ZNF316: variants seen among roughly 807,000 people sequenced by gnomAD.
The protein encoded by ZNF316 is zinc finger protein 316.
In ZNF316, 23 loss-of-function variants were observed where a neutral mutation model predicts 75.6. The observed-to-expected ratio is 0.30, with a 90% CI of 0.22 to 0.43. ZNF316 has a LOEUF of 0.43. Ranked by LOEUF, ZNF316 falls within the 20% of genes least tolerant of loss-of-function variation. ZNF316 has a pLI of 1.00. For missense variants in ZNF316, 1,266 were observed against 1,409.4 expected, an observed-to-expected ratio of 0.90 and a Z score of 1.63; for synonymous variants, 827 against 666.2, an observed-to-expected ratio of 1.24 and a Z score of -3.72.
In ZNF316 at chr7:6,642,256, C is replaced by T. The variant is rs1462853696; in HGVS notation, c.-28-126C>T. On this transcript the variant is annotated intron_variant, in intron 4 of 8. Transcript: ENST00000382252. This position sits in a 1 kb window ranked among gnomAD's most constrained non-coding sequence, Gnocchi z 8.1. ...CCCGGTCCTCCCTCATCTCCATTGC[C>T]TTCAACTACATAACAGGAGGAGTAA... 2.4e-6 allele frequency: 1 copy of T among 422,134 alleles called. No individual in the cohort carries two copies. 26.1% of individuals were successfully genotyped at this position (422,134 alleles called of 1,614,324 possible).
chr7:6,645,873 A>C (rs1034727818), intron 8 of ZNF316, among the ~76,000 whole-genome samples: 3 of 151,282 alleles, frequency 2.0e-5, no homozygotes, highest in African/African-American at 7.3e-5. Flanking sequence ...GCGCGCCTGT[A>C]GTCCCAGCTA....
At position 6,652,637 on chromosome 7, in the gene ZNF316, C is replaced by T; in HGVS notation, c.1041C>T (p.Cys347=). The part of the protein sequence containing the change: ...APPAGRPETT[C]DVCGKVFPHR... ...CGGCCGGGAGGCCGGAGACCACGTG[C>T]GACGTGTGCGGCAAGGTCTTCCCGC... Residue 347 remains cysteine (C), a synonymous_variant, in exon 9 of 9, where the codon TGC becomes TGT. Transcript: ENST00000382252. The T allele has an allele frequency of 8.1e-7, 1 of 1,230,738 alleles. No homozygotes were observed. Among genetic ancestry groups the T allele is most frequent in the East Asian group, 3.2e-5 (1 of 31,620 alleles). 76.2% of individuals were successfully genotyped at this position (1,230,738 alleles called of 1,614,324 possible).
rs553038616 is a variant in ZNF316 at position 6,640,955 on chromosome 7, T to A, written c.-166-870T>A. Among the ~76,000 whole-genome samples, 3 of 152,354 alleles carry A rather than the reference T, an allele frequency of 2.0e-5. No homozygotes were observed. The highest frequency in any genetic ancestry group is 7.2e-5 in the African/African-American group (3 of 41,586). ...GCCATGTTGGTGCAGCCTGTTGAAC[T>A]GTGAGTGAATGAAACCTTTTTTCTT... On this transcript the variant is annotated intron_variant, in intron 3 of 8. Transcript: ENST00000382252. This position sits in a 1 kb window ranked among gnomAD's most constrained non-coding sequence, Gnocchi z 5.1.
rs1011496075 is a variant in ZNF316 at position 6,652,528 on chromosome 7, C to T, written c.932C>T (p.Ser311Phe). The T allele has an allele frequency of 1.3e-5, 16 of 1,231,102 alleles. No homozygotes were observed. The highest frequency in any genetic ancestry group is 3.1e-5 in the African/African-American group (2 of 64,374). The allele number at this position is 1,231,102 out of a possible 1,614,324, so 76.3% of individuals were successfully genotyped here. ...GGCCTGGGGGTCCTGGCCGACGGCT[C>T]TGAAGCGAAGCCTTTCCTGCCCGGC... is the stretch of plus-strand genomic sequence containing the variant. ...PGGLGVLADG[S>F]EAKPFLPGRE... Residue 311 changes from serine to phenylalanine, a missense_variant, in exon 9 of 9, where the codon TCT (serine) becomes TTT (phenylalanine). Physicochemically the swap from Ser to Phe is radical, Grantham distance 155. Transcript: ENST00000382252.
chr7:6,645,310 A>G (rs1305765659), intron 8 of ZNF316, among the ~76,000 whole-genome samples: 1 of 152,186 alleles, frequency 6.6e-6, no homozygotes, highest in African/African-American at 2.4e-5. Flanking sequence ...CCTGCCCCAC[A>G]GGTGTCTGGT....
intron 8 of ZNF316, among the ~76,000 whole-genome samples, chr7:6,647,757 G>C (rs1387619367): frequency 6.6e-6 from 1 of 152,222 alleles, no homozygotes; most frequent in Non-Finnish European, 1.5e-5. Context: ...CGTAGATGGT[G>C]GCGGCCTGGT....
chr7:6,644,367 C>T (rs558169781), intron 7 of ZNF316, 113 bp from the exon 8 acceptor site: 14 of 495,898 alleles, frequency 2.8e-5, no homozygotes, highest in Non-Finnish European at 4.1e-5. Context: ...TGTGGGAGGG[C>T]TGGTGCTGGG....
rs1206763165 is a variant in ZNF316, at chr7:6,654,543, A to G, written c.2947A>G (p.Ser983Gly). 5.9e-6 allele frequency: 7 copies of G among 1,183,590 alleles called. No homozygotes were observed. The East Asian group carries it at 2.2e-4, about 38-fold the overall frequency. The allele number at this position is 1,183,590 out of a possible 1,614,324, so 73.3% of individuals were successfully genotyped here. A position where few individuals can be genotyped will look rare whatever the true frequency, so the allele number is the denominator to read the frequency against. ...CCTGCTGGAGTTCGCGGGCGGCACA[A>G]GCTTCGGCTCCGAGCACCAGGCCGC... ...SALLEFAGGT[S>G]FGSEHQAAFA... Residue 983 changes from serine (S) to glycine (G), a missense_variant, in exon 9 of 9, where the codon AGC becomes GGC. Ser to Gly is a moderately conservative substitution (Grantham distance 56, BLOSUM62 0). This residue lies in a region of ZNF316 where 111 missense variants were observed against 99.2 expected (regional missense o/e 1.12). Transcript: ENST00000382252.
rs1779554171 is a variant in ZNF316, at chr7:6,653,461, G to A, written c.1865G>A (p.Arg622Gln). The A allele has an allele frequency of 4.9e-6, 6 of 1,227,318 alleles. No homozygotes were observed. The highest frequency in any genetic ancestry group is 6.1e-6 in the Non-Finnish European group (6 of 985,426). The allele number at this position is 1,227,318 out of a possible 1,614,324, so 76.0% of individuals were successfully genotyped here. Residue 622 changes from arginine (R) to glutamine (Q), a missense_variant, in exon 9 of 9, where the codon CGA becomes CAA. Coordinates refer to ENST00000382252, the MANE Select transcript of ZNF316 (RefSeq NM_001278559.2). ...SFPILGLPDF[R>Q]ERLPVDGRPL... is the part of the protein sequence containing the mutation. ...CCGATCCTGGGCCTACCCGACTTCC[G>A]AGAGCGGCTGCCGGTCGACGGGCGC...
At position 6,652,699 on chromosome 7, in the gene ZNF316, C is replaced by G. The variant is rs1001397984; in HGVS notation, c.1103C>G (p.Ala368Gly). 3.2e-6 allele frequency: 4 copies of G among 1,236,056 alleles called. No individual in the cohort carries two copies. Among genetic ancestry groups the G allele is most frequent in the African/African-American group, 1.6e-5 (1 of 64,420 alleles). The allele number at this position is 1,236,056 out of a possible 1,614,324, so 76.6% of individuals were successfully genotyped here. A position where few individuals can be genotyped will look rare whatever the true frequency, so the allele number is the denominator to read the frequency against. The change falls in exon 9 of 9, where the codon GCG (alanine) becomes GGG (glycine). Residue 368 changes from alanine (A) to glycine (G), a missense_variant. Ala to Gly is a moderately conservative substitution (Grantham distance 60, BLOSUM62 0). This residue lies in a region of ZNF316 where 961 missense variants were observed against 990.9 expected (regional missense o/e 0.97). Transcript: ENST00000382252. Reference protein sequence around the residue: ...SRLAKHQRYHAAVKPFGCEEC... With the variant: ...SRLAKHQRYHGAVKPFGCEEC... Reference sequence around the variant, plus strand: ...CTGGCCAAGCACCAGCGCTACCACGCGGCCGTCAAGCCCTTCGGCTGCGAG... The same window carrying G: ...CTGGCCAAGCACCAGCGCTACCACGGGGCCGTCAAGCCCTTCGGCTGCGAG...
chr7:6,639,868 G>A lies in ZNF316; in HGVS notation c.-167+727G>A, dbSNP rs991907247. 2.6e-5 allele frequency among the ~76,000 whole-genome samples: 4 copies of A among 152,216 alleles called. No homozygotes were observed. Among genetic ancestry groups the A allele is most frequent in the Non-Finnish European group, 5.9e-5 (4 of 68,036 alleles). ...AGGTGGCTAGCATAACACGCAGCAC[G>A]TGGATTTCGACACTTTGGGCATCTT... is the stretch of plus-strand genomic sequence containing the variant. On this transcript the variant is annotated intron_variant, in intron 3 of 8. Coordinates refer to ENST00000382252, the MANE Select transcript of ZNF316 (RefSeq NM_001278559.2). This position sits in a 1 kb window ranked among gnomAD's most constrained non-coding sequence, Gnocchi z 4.2.
chr7:6,644,995 C>T (rs1413586273), intron 8 of ZNF316, among the ~76,000 whole-genome samples: 1 of 150,058 alleles, frequency 6.7e-6, no homozygotes, highest in Non-Finnish European at 1.5e-5. Context: ...GGAAAAGGCT[C>T]CCCCCAGCTC....
rs1205623789 is a variant in ZNF316 at position 6,643,037 on chromosome 7, T to TGAGGAC, written c.435_440dup (p.Glu146_Asp147dup). 3.2e-5 allele frequency: 40 copies of TGAGGAC among 1,240,184 alleles called. No individual in the cohort carries two copies. In the African/African-American group the frequency reaches 5.3e-4, roughly 16 times the overall value. 76.8% of individuals were successfully genotyped at this position (1,240,184 alleles called of 1,614,324 possible). A position where few individuals can be genotyped will look rare whatever the true frequency, so the allele number is the denominator to read the frequency against. ...AGGAGGAGGAAGAGGAGGAGGAGGA[T>TGAGGAC]GAGGACGAGGATGATTTGCTGACGG... is the stretch of plus-strand genomic sequence containing the variant. On this transcript the variant is annotated inframe_insertion, in exon 6 of 9. Coordinates refer to ENST00000382252, the MANE Select transcript of ZNF316 (RefSeq NM_001278559.2).
chr7:6,652,784 C>G lies in ZNF316; in HGVS notation c.1188C>G (p.Thr396=). ...SHLAIHQRTH[T]GEKPFPCPDC... ...TGGCCATCCACCAGCGCACGCACAC[C>G]GGCGAGAAGCCCTTCCCGTGCCCGG... is the stretch of plus-strand genomic sequence containing the variant. The change falls in exon 9 of 9, where the codon ACC becomes ACG. Residue 396 remains threonine (T), a synonymous_variant. Transcript: ENST00000382252. The G allele has an allele frequency of 6.3e-6, 8 of 1,273,100 alleles. No homozygotes were observed. In the South Asian group the frequency reaches 1.9e-4, roughly 31 times the overall value. The allele number at this position is 1,273,100 out of a possible 1,614,324, so 78.9% of individuals were successfully genotyped here. A position where few individuals can be genotyped will look rare whatever the true frequency, so the allele number is the denominator to read the frequency against.
At position 6,654,450 on chromosome 7, in the gene ZNF316, C is replaced by T; in HGVS notation, c.2854C>T (p.Pro952Ser). 2.5e-6 allele frequency: 3 copies of T among 1,201,362 alleles called. No individual in the cohort carries two copies. Among genetic ancestry groups the T allele is most frequent in the Non-Finnish European group, 3.1e-6 (3 of 968,636 alleles). 74.4% of individuals were successfully genotyped at this position (1,201,362 alleles called of 1,614,324 possible). The change falls in exon 9 of 9, where the codon CCC becomes TCC. Residue 952 changes from proline (P) to serine (S), a missense_variant. This residue lies in a region of ZNF316 where 111 missense variants were observed against 99.2 expected (regional missense o/e 1.12). Transcript: ENST00000382252. ...AAPGSGSAPA[P>S]APKPEAAAKG... Reference sequence around the variant, plus strand: ...GCCGGGCTCGGGTTCGGCCCCAGCCCCCGCGCCCAAGCCCGAGGCGGCCGC... The same window carrying T: ...GCCGGGCTCGGGTTCGGCCCCAGCCTCCGCGCCCAAGCCCGAGGCGGCCGC...
chr7:6,651,465 G>C (rs1186369294), intron 8 of ZNF316, among the ~76,000 whole-genome samples: 1 of 152,158 alleles, frequency 6.6e-6, no homozygotes, highest in East Asian at 1.9e-4. Context: ...GACCAGCCTG[G>C]CCAACATGGC....
chr7:6,643,129 G>C (rs779213976), intron 6 of ZNF316, 56 bp downstream of exon 6: 4 of 1,231,840 alleles, frequency 3.2e-6, no homozygotes, highest in Non-Finnish European at 4.0e-6. Flanking sequence ...TTCCCCCGGG[G>C]CCTCGGCACC....
chr7:6,654,358 GC>G lies in ZNF316; in HGVS notation c.2764del (p.Arg922AlafsTer13). Reference sequence around the variant, plus strand: ...CGGCCCTACGCCTGCGCCAACTGCGGCCGCCGCTTCTCGCAGAGCTCGCACT... The same window carrying G: ...CGGCCCTACGCCTGCGCCAACTGCGGCGCCGCTTCTCGCAGAGCTCGCACT... ...GERPYACANC[G>X]RRFSQSSHLL... On this transcript the variant is annotated frameshift_variant, in exon 9 of 9. Coordinates refer to ENST00000382252, the MANE Select transcript of ZNF316 (RefSeq NM_001278559.2). LOFTEE classifies it high-confidence loss of function. The G allele has an allele frequency of 8.2e-7, 1 of 1,220,466 alleles. No individual in the cohort carries two copies. Among genetic ancestry groups the G allele is most frequent in the Non-Finnish European group, 1.0e-6 (1 of 980,540 alleles). The allele number at this position is 1,220,466 out of a possible 1,614,324, so 75.6% of individuals were successfully genotyped here. A position where few individuals can be genotyped will look rare whatever the true frequency, so the allele number is the denominator to read the frequency against.
intron 8 of ZNF316, among the ~76,000 whole-genome samples, chr7:6,649,563 A>C (rs1013219558): frequency 7.2e-5 from 11 of 152,052 alleles, no homozygotes; most frequent in Non-Finnish European, 1.5e-4. Context: ...GAACACCCTC[A>C]CTCAAGGATG....
Sources: gnomAD v4.1 joint callset for allele counts (sites outside exome capture counted in the v4.1 genomes callset) on GRCh38, gnomAD v4.1.1 for gene constraint, gnomAD v4.1.1 regional missense constraint, Gnocchi (gnomAD v3.1) non-coding constraint, MANE v1.5 for transcripts, NCBI Gene and HGNC (gene_info 2026-07-23, HGNC 2026-07-21) for gene names.